Variants in PLEC observed in about 807,000 individuals in gnomAD.
PLEC encodes the protein plectin.
A neutral mutation model predicts 392.8 loss-of-function variants in PLEC; 216 were observed. That is an observed-to-expected ratio of 0.55 (90% CI 0.49 to 0.62). The LOEUF is 0.62. Among genes scored for constraint, PLEC ranks in the 20% least tolerant of loss-of-function variants. The probability of loss-of-function intolerance (pLI) is 0.00; values close to 1 mark genes in which losing one functional copy is unlikely to be tolerated. For synonymous variants in PLEC, 3,621 were observed against 2,980.6 expected (o/e 1.21, Z -7.00); for missense variants, 6,863 against 6,563.4 (o/e 1.05, Z -1.58).
At position 143,926,846 on chromosome 8, in the gene PLEC, T is replaced by A; in HGVS notation, c.3982A>T (p.Thr1328Ser). The A allele has an allele frequency of 6.2e-7, 1 of 1,613,606 alleles. No individual in the cohort carries two copies. The highest frequency in any genetic ancestry group is 8.5e-7 in the Non-Finnish European group (1 of 1,179,956). The change falls in exon 30 of 32, where the codon ACA becomes TCA. Residue 1328 changes from threonine to serine, a missense_variant. Transcript: ENST00000345136. Reference sequence around the variant, plus strand: ...AACTTGATGTACTGGCTCGTCAGTGTGGTCAGCTCGCTGTAGTGCGTACGC... The same window carrying A: ...AACTTGATGTACTGGCTCGTCAGTGAGGTCAGCTCGCTGTAGTGCGTACGC... Reference protein sequence around the residue: ...DLRTHYSELTTLTSQYIKFIS... With the variant: ...DLRTHYSELTSLTSQYIKFIS...
Position 143,923,853 on chromosome 8 carries a change from C to G in PLEC, c.6076G>C (p.Glu2026Gln). 1.3e-6 allele frequency: 2 copies of G among 1,590,508 alleles called. No individual in the cohort carries two copies. Residue 2026 changes from glutamate to glutamine, a missense_variant, in exon 31 of 32, where the codon GAG becomes CAG. Coordinates refer to ENST00000345136, the MANE Select transcript of PLEC (RefSeq NM_201384.3). The stretch of plus-strand genomic sequence containing the variant: ...CGCGCCGACTCCTGCTCCGCTCGCT[C>G]CCGCAGGCGCCGCGCCTCCTCCACC... Reference protein sequence around the residue: ...AKVEEARRLRERAEQESARQL... With the variant: ...AKVEEARRLRQRAEQESARQL...
chr8:143,917,265 A>C lies in PLEC; in HGVS notation c.12556T>G (p.Ser4186Ala), dbSNP rs879956455. The C allele has an allele frequency of 6.2e-7, 1 of 1,611,092 alleles. No individual in the cohort carries two copies. Among genetic ancestry groups the C allele is most frequent in the Non-Finnish European group, 8.5e-7 (1 of 1,178,888 alleles). The change falls in exon 32 of 32, where the codon TCG becomes GCG. Residue 4186 changes from serine (S) to alanine (A), a missense_variant. Physicochemically the swap from Ser to Ala is moderately conservative, Grantham distance 99. Coordinates refer to ENST00000345136, the MANE Select transcript of PLEC (RefSeq NM_201384.3). Reference protein sequence around the residue: ...CEWEEITISSSDGVVKSMIID... With the variant: ...CEWEEITISSADGVVKSMIID... Reference sequence around the variant, plus strand: ...ATCATGGACTTGACCACGCCGTCCGAGGAGGAGATGGTGATCTCCTCCCAC... The same window carrying C: ...ATCATGGACTTGACCACGCCGTCCGCGGAGGAGATGGTGATCTCCTCCCAC...
chr8:143,930,352 C>T (rs782012293), intron 20 of PLEC, 32 bp downstream of exon 20: 10 of 1,580,618 alleles, frequency 6.3e-6, no homozygotes, highest in Non-Finnish European at 5.1e-6. Flanking sequence ...TGCCTGGCCA[C>T]GCCCCCCAGT....
At chr8:143,952,085 T>G (rs571741033), upstream of PLEC, among the ~76,000 whole-genome samples, 1 of 151,126 alleles carries the variant, frequency 6.6e-6, no homozygotes, top group East Asian at 2.0e-4. Context: ...GATCCCGAGG[T>G]GGGAGGCGCT....
In PLEC at chr8:143,937,065, G is replaced by A. The variant is rs377334858; in HGVS notation, c.349C>T (p.Leu117=). 19 of 1,612,708 alleles carry A rather than the reference G, an allele frequency of 1.2e-5. No homozygotes were observed. Among genetic ancestry groups the A allele is most frequent in the Non-Finnish European group, 1.6e-5 (19 of 1,179,634 alleles). ...ATGTCATCATTCCTGATGTTCACCAGCTTCACCTGTGAGCGAGGGGCTCTC... is the reference window on the plus strand; with the variant it reads ...ATGTCATCATTCCTGATGTTCACCAACTTCACCTGTGAGCGAGGGGCTCTC... ...LDYLRHRQVK[L]VNIRNDDIAD... Residue 117 remains leucine (L), a synonymous_variant, in exon 5 of 32, where the codon CTG becomes TTG. Transcript: ENST00000345136.
rs781937969 is a variant in PLEC, at chr8:143,920,736, C to A, written c.9085G>T (p.Val3029Leu). 1 of 1,604,286 alleles carries A rather than the reference C, an allele frequency of 6.2e-7. No homozygotes were observed. Among genetic ancestry groups the A allele is most frequent in the Non-Finnish European group, 8.5e-7 (1 of 1,179,920 alleles). The part of the protein sequence containing the change: ...ALRGANVIAG[V>L]WLEEAGQKLS... ...TTCTGCCCCGCCTCCTCCAGCCATA[C>A]ACCCGCGATGACGTTGGCACCCCGG... Residue 3029 changes from valine to leucine, a missense_variant, in exon 32 of 32, where the codon GTA (valine) becomes TTA (leucine). Physicochemically the swap from Val to Leu is conservative, Grantham distance 32 (BLOSUM62 1). Coordinates refer to ENST00000345136, the MANE Select transcript of PLEC (RefSeq NM_201384.3).
chr8:143,959,160 C>T (rs1183598197), intron 1 of PLEC, among the ~76,000 whole-genome samples: 1 of 152,208 alleles, frequency 6.6e-6, no homozygotes, highest in Non-Finnish European at 1.5e-5. Context: ...GCGCAGCTCT[C>T]GGTCCAGCGC....
Position 143,946,408 on chromosome 8 carries a change from C to T in PLEC, c.523+3776G>A, listed in dbSNP as rs1416698999. ...ACCTGTCCATGGCTGCCACACAGGC[C>T]AGGCTGCTCCGAGAGCCGGCAGGGA... On this transcript the variant is annotated intron_variant, in intron 1 of 31. Coordinates refer to the PLEC transcript ENST00000322810. 3.9e-6 allele frequency: 5 copies of T among 1,287,266 alleles called. No individual in the cohort carries two copies. In the Admixed American group the frequency reaches 9.2e-5, roughly 24 times the overall value. 79.7% of individuals were successfully genotyped at this position (1,287,266 alleles called of 1,614,324 possible).
At position 143,917,535 on chromosome 8, in the gene PLEC, C is replaced by G. The variant is rs1554672290; in HGVS notation, c.12286G>C (p.Glu4096Gln). The G allele has an allele frequency of 6.2e-7, 1 of 1,613,956 alleles. No individual in the cohort carries two copies. Among genetic ancestry groups the G allele is most frequent in the South Asian group, 1.1e-5 (1 of 91,082 alleles). ...DTKGFFDPNT[E>Q]ENLTYLQLME... ...AGCTGCAGGTAGGTGAGGTTCTCCT[C>G]CGTGTTAGGGTCAAAGAAGCCCTTG... Residue 4096 changes from glutamate to glutamine, a missense_variant, in exon 32 of 32, where the codon GAG becomes CAG. Coordinates refer to ENST00000345136, the MANE Select transcript of PLEC (RefSeq NM_201384.3).
intron 20 of PLEC, 35 bp downstream of exon 20, chr8:143,930,349 C>G: frequency 6.3e-7 from 1 of 1,580,824 alleles, no homozygotes; most frequent in South Asian, 1.1e-5. Context: ...CCCTGCCTGG[C>G]CACGCCCCCC....
chr8:143,934,834 G>A lies in PLEC; in HGVS notation c.921C>T (p.Phe307=), dbSNP rs546380802. ...HHTAAFEERR[F]PSSFEEIEIL... ...CCTCAATCTCCTCGAAGCTGGAGGG[G>A]AACCTGCGTTCCTCAAAGGCGGCCG... The change falls in exon 9 of 32, where the codon TTC becomes TTT. Residue 307 remains phenylalanine (F), a synonymous_variant. Transcript: ENST00000345136. 2.1e-4 allele frequency: 336 copies of A among 1,611,578 alleles called. 1 individual carries two copies. In the South Asian group the frequency reaches 3.5e-3, roughly 17 times the overall value.
intron 1 of PLEC, among the ~76,000 whole-genome samples, chr8:143,967,535 G>A (rs1554742697): frequency 6.6e-6 from 1 of 152,100 alleles, no homozygotes; most frequent in Non-Finnish European, 1.5e-5. Context: ...CGAAGTTTAC[G>A]CCGAATACAA....
At chr8:143,949,746 C>CA (rs1449615370) in intron 1 of PLEC, among the ~76,000 whole-genome samples, 1 of 152,202 alleles carries the variant, frequency 6.6e-6, no homozygotes. Flanking sequence ...CATCAACCCC[C>CA]GCGGCAAGGG....
intron 1 of PLEC, among the ~76,000 whole-genome samples, chr8:143,947,733 G>A (rs1831666436): frequency 1.3e-5 from 2 of 152,228 alleles, no homozygotes; most frequent in South Asian, 2.1e-4. Context: ...CTGGGCAACA[G>A]AGCGGGACTC....
At chr8:143,931,902 C>T (rs1362461947) in intron 18 of PLEC, 35 bp downstream of exon 18, 6 of 1,567,544 alleles carry the variant, frequency 3.8e-6, no homozygotes, top group African/African-American at 2.7e-5. Flanking sequence ...AAGGCTGCCG[C>T]TGAGCCACAG....
chr8:143,932,000 G>A lies in PLEC; in HGVS notation c.2115C>T (p.Ser705=). The change falls in exon 18 of 32, where the codon AGC becomes AGT. Residue 705 remains serine, a synonymous_variant. Transcript: ENST00000345136. ...SFQAALQTQW[S]WMLQLCCCIE... ...TACAGCAGCACAGCTGTAGCATCCA[G>A]CTCCACTGCGTCTGCAGGGCCGCCT... The A allele has an allele frequency of 1.2e-6, 2 of 1,606,670 alleles. No homozygotes were observed. Among genetic ancestry groups the A allele is most frequent in the Non-Finnish European group, 1.7e-6 (2 of 1,177,894 alleles).
chr8:143,917,779 G>C lies in PLEC; in HGVS notation c.12042C>G (p.Tyr4014Ter). 6.2e-7 allele frequency: 1 copy of C among 1,613,574 alleles called. No individual in the cohort carries two copies. Among genetic ancestry groups the C allele is most frequent in the Non-Finnish European group, 8.5e-7 (1 of 1,180,006 alleles). ...LLSAERAVTG[Y>*]KDPYSGKLIS... ...TGAGCTTCCCAGAGTAGGGGTCCTTGTACCCAGTGACGGCGCGCTCGGCCG... is the reference window on the plus strand; with the variant it reads ...TGAGCTTCCCAGAGTAGGGGTCCTTCTACCCAGTGACGGCGCGCTCGGCCG... The change falls in exon 32 of 32, where the codon TAC becomes TAG. Residue 4014 changes from tyrosine to a stop codon, truncating the protein, a stop_gained. Transcript: ENST00000345136. LOFTEE classifies it high-confidence loss of function.
At chr8:143,950,900 TG>T, upstream of PLEC, 2 of 1,203,698 alleles carry the variant, frequency 1.7e-6, no homozygotes, top group South Asian at 3.2e-5. Context: ...TCGTGGCGCC[TG>T]GCTCCGTGCA....
intron 1 of PLEC, among the ~76,000 whole-genome samples, chr8:143,966,260 C>G (rs1833085161): frequency 6.6e-6 from 1 of 152,200 alleles, no homozygotes; most frequent in Non-Finnish European, 1.5e-5. Context: ...GCTGCCTCTT[C>G]TCATAGGCAC....
Sources: gnomAD v4.1 joint callset for allele counts (sites outside exome capture counted in the v4.1 genomes callset) on GRCh38, gnomAD v4.1.1 for gene constraint, MANE v1.5 for transcripts, NCBI Gene and HGNC (gene_info 2026-07-23, HGNC 2026-07-21) for gene names.